GLIS1: variants seen among roughly 807,000 people sequenced by gnomAD.
GLIS1 encodes zinc finger protein GLIS1.
GLIS1 carries 24 observed loss-of-function variants against 63.8 expected under a neutral mutation model. That is an observed-to-expected ratio of 0.38 (90% CI 0.27 to 0.53). The LOEUF is 0.53. Ranked by LOEUF, GLIS1 falls within the 20% of genes least tolerant of loss-of-function variation. GLIS1 has a pLI of 0.85. For synonymous variants in GLIS1, 450 were observed against 482.5 expected, an observed-to-expected ratio of 0.93 and a Z score of 0.88; for missense variants, 1,036 against 1,074.1, an observed-to-expected ratio of 0.96 and a Z score of 0.50.
At chr1:53,531,654 TGC>T in intron 4 of GLIS1, among the ~76,000 whole-genome samples, 1 of 152,008 alleles carries the variant, frequency 6.6e-6, no homozygotes, top group African/African-American at 2.4e-5. Context: ...ATGTGGGAGA[TGC>T]ACACACGCAC....
chr1:53,630,502 T>C (rs1208275059), intron 2 of GLIS1, among the ~76,000 whole-genome samples: 5 of 152,052 alleles, frequency 3.3e-5, no homozygotes, highest in African/African-American at 4.8e-5. Flanking sequence ...TCTTTCTTTT[T>C]TTTTTTTTTC....
At chr1:53,645,036 C>T (rs1486581014) in intron 2 of GLIS1, among the ~76,000 whole-genome samples, 1 of 152,228 alleles carries the variant, frequency 6.6e-6, no homozygotes, top group Non-Finnish European at 1.5e-5. Flanking sequence ...TTGGCATGTG[C>T]ATAGGAAATG....
chr1:53,623,001 T>C (rs1447809342), intron 2 of GLIS1, among the ~76,000 whole-genome samples: 1 of 152,246 alleles, frequency 6.6e-6, no homozygotes, highest in African/African-American at 2.4e-5. Flanking sequence ...TAACCTCAGT[T>C]TGTTTCTAGT....
rs1218394490 is a variant in GLIS1 at position 53,511,449 on chromosome 1, C to T, written c.1884-1422G>A. ...CTCTGCTCCCTCCAACGTTGGCAGC[C>T]CCTCCACTGCCCCTCCAGTCTGCTG... On this transcript the variant is annotated intron_variant, in intron 8 of 10. Coordinates refer to ENST00000628545, the MANE Select transcript of GLIS1 (RefSeq NM_001367484.1). The surrounding 1 kb of genome is among the most constrained non-coding windows in gnomAD (Gnocchi z 4.2). Among the ~76,000 whole-genome samples, 1 of 152,266 alleles carries T rather than the reference C, an allele frequency of 6.6e-6. No individual in the cohort carries two copies. The highest frequency in any genetic ancestry group is 1.9e-4 in the East Asian group (1 of 5,186).
chr1:53,634,761 G>A (rs1242900772), intron 2 of GLIS1, among the ~76,000 whole-genome samples: 1 of 152,136 alleles, frequency 6.6e-6, no homozygotes, highest in Non-Finnish European at 1.5e-5. Context: ...CACCTCACAC[G>A]TCCAACCCCA....
chr1:53,643,540 G>T (rs563039374), intron 2 of GLIS1, among the ~76,000 whole-genome samples: 1 of 152,194 alleles, frequency 6.6e-6, no homozygotes, highest in Admixed American at 6.5e-5. Context: ...ATGACCATGG[G>T]GAGGGAGCAA....
At chr1:53,686,034 C>T (rs1646333127) in intron 2 of GLIS1, among the ~76,000 whole-genome samples, 1 of 152,226 alleles carries the variant, frequency 6.6e-6, no homozygotes, top group Admixed American at 6.5e-5. Context: ...CTGTCATCCA[C>T]CAGGCTGCTC....
chr1:53,715,126 G>A (rs1193794138), intron 2 of GLIS1, among the ~76,000 whole-genome samples: 8 of 152,014 alleles, frequency 5.3e-5, no homozygotes, highest in Non-Finnish European at 2.9e-5. Context: ...ATGTTACCTG[G>A]GCTGGTCTCG....
At chr1:53,622,355 G>A (rs1645552763) in intron 2 of GLIS1, among the ~76,000 whole-genome samples, 1 of 150,086 alleles carries the variant, frequency 6.7e-6, no homozygotes, top group Non-Finnish European at 1.5e-5. Flanking sequence ...TTGAACCTGG[G>A]AGGCGAAGGT....
intron 4 of GLIS1, among the ~76,000 whole-genome samples, chr1:53,555,365 C>T (rs1381992298): frequency 2.0e-5 from 3 of 152,102 alleles, no homozygotes; most frequent in Non-Finnish European, 4.4e-5. Flanking sequence ...TCTGTCAGTA[C>T]TAAAAATACA....
chr1:53,581,469 T>A (rs1367477744), intron 4 of GLIS1, among the ~76,000 whole-genome samples: 1 of 152,206 alleles, frequency 6.6e-6, no homozygotes, highest in African/African-American at 2.4e-5. Context: ...TGATCACATA[T>A]TGTGCATCGG....
At position 53,614,627 on chromosome 1, in the gene GLIS1, T is replaced by C. The variant is rs550008946; in HGVS notation, c.260-14349A>G. ...CTGAGTTTTGTGTTGAAAAAGACTTTAGAAAGAAAAGCGTAGATGCAGGGA... is the reference window on the plus strand; with the variant it reads ...CTGAGTTTTGTGTTGAAAAAGACTTCAGAAAGAAAAGCGTAGATGCAGGGA... On this transcript the variant is annotated intron_variant, in intron 2 of 10. Transcript: ENST00000628545. Among the ~76,000 whole-genome samples the C allele has an allele frequency of 1.3e-4, 20 of 152,290 alleles. No individual in the cohort carries two copies. In the South Asian group the frequency reaches 2.3e-3, roughly 17 times the overall value.
At chr1:53,622,624 T>C (rs1645557773) in intron 2 of GLIS1, among the ~76,000 whole-genome samples, 1 of 151,888 alleles carries the variant, frequency 6.6e-6, no homozygotes, top group African/African-American at 2.4e-5. Flanking sequence ...ATGAGAGACA[T>C]ACACAGGAGA....
chr1:53,573,844 T>C (rs576571784), intron 4 of GLIS1, among the ~76,000 whole-genome samples: 4 of 152,324 alleles, frequency 2.6e-5, no homozygotes, highest in African/African-American at 9.6e-5. Context: ...TCGGAGTGGC[T>C]CCGGCTAATG....
At chr1:53,732,052 A>T (rs1260871448) in intron 2 of GLIS1, among the ~76,000 whole-genome samples, 1 of 152,258 alleles carries the variant, frequency 6.6e-6, no homozygotes, top group Admixed American at 6.5e-5. Context: ...AGGCCCAACC[A>T]TAACCACCAA....
In GLIS1 at chr1:53,648,371, T is replaced by C. The variant is rs1290136780; in HGVS notation, c.260-48093A>G. Among the ~76,000 whole-genome samples the C allele has an allele frequency of 2.0e-5, 3 of 152,104 alleles. No individual in the cohort carries two copies. In the East Asian group the frequency reaches 5.8e-4, roughly 29 times the overall value. ...AAGACAAGCAACATCGTATGTTAGATGGGGAGCAATGGGAACTCTGCTACT... is the reference window on the plus strand; with the variant it reads ...AAGACAAGCAACATCGTATGTTAGACGGGGAGCAATGGGAACTCTGCTACT... On this transcript the variant is annotated intron_variant, in intron 2 of 10. Coordinates refer to ENST00000628545, the MANE Select transcript of GLIS1 (RefSeq NM_001367484.1).
intron 2 of GLIS1, among the ~76,000 whole-genome samples, chr1:53,724,708 C>CAA (rs1331678340): frequency 6.6e-6 from 1 of 152,024 alleles, no homozygotes; most frequent in African/African-American, 2.4e-5. Context: ...AAAGTAAAGA[C>CAA]AGAGTATCAC....
chr1:53,520,508 T>G, intron 7 of GLIS1, 126 bp downstream of exon 7: 1 of 1,108,362 alleles, frequency 9.0e-7, no homozygotes, highest in Non-Finnish European at 1.2e-6. Flanking sequence ...CAAGTCCAGA[T>G]GAGTGAGTGC....
rs995150078 is a variant in GLIS1, at chr1:53,583,365, G to A, written c.1320+10743C>T. On this transcript the variant is annotated intron_variant, in intron 4 of 10. Transcript: ENST00000628545. ...TTTTGGCTTGAAAACACTATGGCTT[G>A]GGGATCTGATAAAACAAAGGGGCTG... Among the ~76,000 whole-genome samples the A allele has an allele frequency of 2.6e-5, 4 of 152,286 alleles. No individual in the cohort carries two copies. In the South Asian group the frequency reaches 8.3e-4, roughly 32 times the overall value.
Sources: allele counts gnomAD v4.1 joint callset (sites outside exome capture counted in the v4.1 genomes callset), GRCh38; gene constraint gnomAD v4.1.1; non-coding constraint Gnocchi (gnomAD v3.1); transcripts MANE v1.5; gene names NCBI Gene and HGNC (gene_info 2026-07-23, HGNC 2026-07-21).